Variants in HEXA observed in about 807,000 individuals in gnomAD.
HEXA encodes the protein beta-hexosaminidase subunit alpha.
A neutral mutation model predicts 73.3 loss-of-function variants in HEXA; 54 were observed. That is an observed-to-expected ratio of 0.74 (90% CI 0.59 to 0.92). HEXA has a LOEUF of 0.92. Among genes scored for constraint, HEXA ranks in the 40% least tolerant of loss-of-function variants. HEXA has a pLI of 0.00. For synonymous variants in HEXA, 230 were observed against 246.9 expected, an observed-to-expected ratio of 0.93 and a Z score of 0.64; for missense variants, 649 against 653.0, an observed-to-expected ratio of 0.99 and a Z score of 0.07.
intron 6 of HEXA, 36 bp from the exon 7 acceptor site, chr15:72,350,686 C>T (rs371038167): frequency 2.5e-6 from 4 of 1,613,622 alleles, no homozygotes; most frequent in Non-Finnish European, 3.4e-6. Context: ...GTTCACACTT[C>T]CTGAAAGCTA....
chr15:72,371,304 A>G (rs181391102), intron 1 of HEXA, among the ~76,000 whole-genome samples: 15 of 152,334 alleles, frequency 9.8e-5, no homozygotes, highest in African/African-American at 3.1e-4. Context: ...GTAATCCTCA[A>G]TGAAAACCTG....
chr15:72,359,092 T>G (rs73442507), intron 1 of HEXA: 1 of 152,204 alleles, frequency 6.6e-6, no homozygotes, highest in South Asian at 2.1e-4. Context: ...GGAGGTAGCA[T>G]GAAAAACAGA....
intron 5 of HEXA, among the ~76,000 whole-genome samples, chr15:72,352,294 T>C (rs1467563019): frequency 1.3e-5 from 2 of 151,920 alleles, no homozygotes; most frequent in Non-Finnish European, 2.9e-5. Context: ...TCCTATGACC[T>C]TGTTCTAACT....
intron 1 of HEXA, among the ~76,000 whole-genome samples, chr15:72,371,396 C>T (rs2088989637): frequency 6.6e-6 from 1 of 151,958 alleles, no homozygotes; most frequent in Non-Finnish European, 1.5e-5. Context: ...TGGTTGAGCC[C>T]AGGGGTTCGA....
chr15:72,372,348 CA>C (rs59888548), intron 1 of HEXA, among the ~76,000 whole-genome samples: 98,919 of 134,198 alleles, frequency 0.74, 38,127 homozygotes, highest in Middle Eastern at 0.9. Flanking sequence ...GACTCCATCT[CA>C]AAAAAAAAAA....
rs1800429 is a variant in HEXA at position 72,351,207 on chromosome 15, C to T, written c.598G>A (p.Val200Met). 7.4e-6 allele frequency: 12 copies of T among 1,611,980 alleles called. No individual in the cohort carries two copies. The highest frequency in any genetic ancestry group is 6.7e-5 in the Admixed American group (4 of 60,020). Reference sequence around the variant, plus strand: ...TCATCTACCAGATGCCAGTGGAACACGTTCAATTTATTGTACGCCATGACA... The same window carrying T: ...TCATCTACCAGATGCCAGTGGAACATGTTCAATTTATTGTACGCCATGACA... The part of the protein sequence containing the change: ...LDVMAYNKLN[V>M]FHWHLVDDPS... Residue 200 changes from valine (V) to methionine (M), a missense_variant, in exon 6 of 14, where the codon GTG becomes ATG. Coordinates refer to ENST00000268097, the MANE Select transcript of HEXA (RefSeq NM_000520.6).
Position 72,375,862 on chromosome 15 carries a change from G to T in HEXA, c.111C>A (p.Tyr37Ter). The T allele has an allele frequency of 6.2e-7, 1 of 1,614,260 alleles. No individual in the cohort carries two copies. The highest frequency in any genetic ancestry group is 1.1e-5 in the South Asian group (1 of 91,092). ...ATTGAAAGTTGTTCGGGTAAAGGACGTAGCGCTGGTCGGAGGTTTGGAAGT... is the reference window on the plus strand; with the variant it reads ...ATTGAAAGTTGTTCGGGTAAAGGACTTAGCGCTGGTCGGAGGTTTGGAAGT... ...PQNFQTSDQR[Y>*]VLYPNNFQFQ... Residue 37 changes from tyrosine (Y) to a stop codon, truncating the protein, a stop_gained, in exon 1 of 14, where the codon TAC (tyrosine) becomes TAA (stop). Transcript: ENST00000268097. LOFTEE classifies it high-confidence loss of function.
At chr15:72,353,242 A>AGTTGTCTTCATCTCCC in intron 4 of HEXA, 64 bp from the exon 5 acceptor site, 1 of 944,632 alleles carries the variant, frequency 1.1e-6, no homozygotes, top group Non-Finnish European at 1.7e-6. Context: ...GCACAGGGAG[A>AGTTGTCTTCATCTCCC]TGAAGACAAC....
At chr15:72,354,980 T>A (rs961244974) in intron 3 of HEXA, 4 of 156,476 alleles carry the variant, frequency 2.6e-5, no homozygotes, top group African/African-American at 9.7e-5. Flanking sequence ...TAGTTTTCCT[T>A]TTAAAAAAAC....
intron 8 of HEXA, 64 bp downstream of exon 8, chr15:72,349,014 GT>G: frequency 7.4e-7 from 1 of 1,348,126 alleles, no homozygotes; most frequent in South Asian, 1.2e-5. Context: ...AGCCCCTCGG[GT>G]GCTAACTTCT....
intron 1 of HEXA, among the ~76,000 whole-genome samples, chr15:72,372,224 C>T (rs2089003447): frequency 6.6e-6 from 1 of 151,980 alleles, no homozygotes; most frequent in South Asian, 2.1e-4. Flanking sequence ...TGGTGGGTGC[C>T]TGAATTCCCA....
In HEXA at chr15:72,356,627, C is replaced by T. The variant is rs1290138071; in HGVS notation, c.254-10G>A. The T allele has an allele frequency of 1.2e-6, 2 of 1,613,884 alleles. No homozygotes were observed. The highest frequency in any genetic ancestry group is 4.5e-5 in the East Asian group (2 of 44,900). On this transcript the variant is annotated splice_polypyrimidine_tract_variant and intron_variant, in intron 1 of 13. Transcript: ENST00000268097. Reference sequence around the variant, plus strand: ...AGTGTATGCCGTTTCCCTAGGAAGACAGGGTAAGCTTGGTGCGGCCAACCT... The same window carrying T: ...AGTGTATGCCGTTTCCCTAGGAAGATAGGGTAAGCTTGGTGCGGCCAACCT...
chr15:72,346,222 C>G lies in HEXA; in HGVS notation c.1421+13G>C, dbSNP rs375201437. On this transcript the variant is annotated intron_variant, in intron 12 of 13. Transcript: ENST00000268097. ...CAGGCCCAACCCTCCACCTCCCCCC[C>G]GAAAACCCTTACCAGAGCCTGGGGA... 5.6e-6 allele frequency: 9 copies of G among 1,608,554 alleles called. No individual in the cohort carries two copies. The highest frequency in any genetic ancestry group is 1.7e-4 in the Middle Eastern group (1 of 6,012).
intron 1 of HEXA, among the ~76,000 whole-genome samples, chr15:72,371,267 C>T (rs1445435525): frequency 6.6e-6 from 1 of 152,194 alleles, no homozygotes; most frequent in Non-Finnish European, 1.5e-5. Flanking sequence ...CACACTTACA[C>T]TCCAAATTGG....
Position 72,343,962 on chromosome 15 carries a change from G to C in HEXA, c.*115C>G, listed in dbSNP as rs1233675715. 1.2e-6 allele frequency: 1 copy of C among 822,368 alleles called. No individual in the cohort carries two copies. Among genetic ancestry groups the C allele is most frequent in the East Asian group, 2.5e-5 (1 of 39,512 alleles). 50.9% of individuals were successfully genotyped at this position (822,368 alleles called of 1,614,324 possible). A position where few individuals can be genotyped will look rare whatever the true frequency, so the allele number is the denominator to read the frequency against. ...CGGCCCCTTTCTCTCCAAGCACAGG[G>C]GCACGCAGGCAAGGGGCACGAAGGC... On this transcript the variant is annotated 3_prime_UTR_variant, in exon 14 of 14. Transcript: ENST00000268097.
chr15:72,345,669 A>T, intron 12 of HEXA, 119 bp from the exon 13 acceptor site: 1 of 1,524,778 alleles, frequency 6.6e-7, no homozygotes, highest in Non-Finnish European at 8.8e-7. Context: ...AAAGGAAGTG[A>T]TCAATACCTT....
At chr15:72,353,495 G>T (rs762792377) in intron 4 of HEXA, among the ~76,000 whole-genome samples, 196 bp downstream of exon 4, 2 of 152,104 alleles carry the variant, frequency 1.3e-5, no homozygotes, top group Non-Finnish European at 2.9e-5. Flanking sequence ...ATGACTCAGG[G>T]GGACCAAATT....
At chr15:72,367,776 C>T (rs940038365) in intron 1 of HEXA, among the ~76,000 whole-genome samples, 3 of 152,318 alleles carry the variant, frequency 2.0e-5, no homozygotes, top group Middle Eastern at 3.4e-3. Context: ...GAAGGCTTCT[C>T]GCCTGTAGGC....
intron 1 of HEXA, among the ~76,000 whole-genome samples, chr15:72,373,702 G>A (rs186816986): frequency 6.0e-4 from 91 of 152,194 alleles, no homozygotes; most frequent in Middle Eastern, 3.4e-3. Context: ...GCCTAATTTA[G>A]AAGTATAGGA....
Sources: gnomAD v4.1 joint callset for allele counts (sites outside exome capture counted in the v4.1 genomes callset) on GRCh38, gnomAD v4.1.1 for gene constraint, MANE v1.5 for transcripts, NCBI Gene and HGNC (gene_info 2026-07-23, HGNC 2026-07-21) for gene names.